Variants in DMPK observed in about 807,000 individuals in gnomAD.
DMPK encodes the protein myotonin-protein kinase.
DMPK carries 32 observed loss-of-function variants against 70.3 expected under a neutral mutation model. The ratio of observed to expected loss-of-function variants is 0.46; its 90% CI spans 0.34 to 0.61. DMPK has a LOEUF of 0.61. Ranked by LOEUF, DMPK falls within the 20% of genes least tolerant of loss-of-function variation. DMPK has a pLI of 0.01. For missense variants in DMPK, 899 were observed against 886.0 expected, an observed-to-expected ratio of 1.01 and a Z score of -0.19; for synonymous variants, 469 against 390.9, an observed-to-expected ratio of 1.20 and a Z score of -2.36.
chr19:45,772,382 C>T, intron 10 of DMPK: 1 of 399,544 alleles, frequency 2.5e-6, no homozygotes. Flanking sequence ...CCTTTCCTTC[C>T]ATGGCTTGTT....
rs111864835 is a variant in DMPK, at chr19:45,780,930, G to A, written c.161-1061C>T. The stretch of plus-strand genomic sequence containing the variant: ...CAAAAGGAGTGCTCCTCCCGGGAGC[G>A]CCAGACCCCTACCCCACCCGGTCTC... On this transcript the variant is annotated intron_variant, in intron 1 of 14. Transcript: ENST00000291270. Among the ~76,000 whole-genome samples the A allele has an allele frequency of 2.5e-3, 376 of 152,134 alleles. 3 individuals are homozygous for A. Among genetic ancestry groups the A allele is most frequent in the African/African-American group, 8.3e-3 (343 of 41,512 alleles).
intron 14 of DMPK, 47 bp from the exon 15 acceptor site, chr19:45,770,687 G>A: frequency 6.5e-7 from 1 of 1,538,220 alleles, no homozygotes; most frequent in African/African-American, 1.4e-5. Context: ...CCTCTGATTG[G>A]CTCCTGGGAC....
chr19:45,770,714 CATAGGTGGG>C, intron 14 of DMPK, 74 bp from the exon 15 acceptor site: 8 of 1,488,502 alleles, frequency 5.4e-6, no homozygotes, highest in Non-Finnish European at 7.2e-6. Flanking sequence ...CGCCTACGCC[CATAGGTGGG>C]CCCGCACTCT....
intron 5 of DMPK, 121 bp from the exon 6 acceptor site, chr19:45,778,341 G>T: frequency 7.4e-7 from 1 of 1,358,786 alleles, no homozygotes; most frequent in Non-Finnish European, 1.0e-6. Context: ...CCCCTGTAGG[G>T]CTTCTACAGT....
At chr19:45,778,421 C>T in intron 5 of DMPK, 72 bp downstream of exon 5, 1 of 1,572,764 alleles carries the variant, frequency 6.4e-7, no homozygotes, top group Non-Finnish European at 8.7e-7. Context: ...GCCCTGGCCT[C>T]TCTGGGCTCT....
At chr19:45,779,593 C>A in intron 2 of DMPK, 71 bp from the exon 3 acceptor site, 1 of 1,594,346 alleles carries the variant, frequency 6.3e-7, no homozygotes, top group South Asian at 1.1e-5. Flanking sequence ...CCCAACTCCA[C>A]CCGCTTCTGC....
chr19:45,771,202 A>C (rs752992288), intron 13 of DMPK, 142 bp from the exon 14 acceptor site: 4 of 1,226,394 alleles, frequency 3.3e-6, no homozygotes, highest in Non-Finnish European at 3.4e-6. Context: ...GAACGGAGGG[A>C]GATCTGGGGC....
At chr19:45,781,052 T>C (rs1970088616) in intron 1 of DMPK, among the ~76,000 whole-genome samples, 1 of 152,062 alleles carries the variant, frequency 6.6e-6, no homozygotes, top group South Asian at 2.1e-4. Flanking sequence ...TTCCAGAGGC[T>C]GAATGGCCTG....
intron 14 of DMPK, 40 bp from the exon 15 acceptor site, chr19:45,770,680 C>CT: frequency 1.3e-6 from 2 of 1,542,802 alleles, no homozygotes; most frequent in Non-Finnish European, 1.8e-6. Flanking sequence ...GCATGGGCCT[C>CT]TGATTGGCTC....
chr19:45,774,761 A>G lies in DMPK; in HGVS notation c.1232+188T>C, dbSNP rs373702492. ...TGTGACTCTGAGGTTTTAAAATTCA[A>G]TCTAACATTTTGAAGTACATAGATC... On this transcript the variant is annotated intron_variant, in intron 9 of 14. Coordinates refer to ENST00000291270, the MANE Select transcript of DMPK (RefSeq NM_004409.5). Among the ~76,000 whole-genome samples the G allele has an allele frequency of 7.7e-4, 118 of 152,302 alleles. 3 individuals carry two copies. Among genetic ancestry groups the G allele is most frequent in the African/African-American group, 2.6e-3 (110 of 41,562 alleles).
At position 45,777,027 on chromosome 19, in the gene DMPK, C is replaced by T. The variant is rs1969810396; in HGVS notation, c.1146+300G>A. 1 of 355,412 alleles carries T rather than the reference C, an allele frequency of 2.8e-6. No homozygotes were observed. The highest frequency in any genetic ancestry group is 5.1e-6 in the Non-Finnish European group (1 of 196,288). 22.0% of individuals were successfully genotyped at this position (355,412 alleles called of 1,614,324 possible). ...CCTCCAAGTCTCAGCTCAGATAGCT[C>T]CCCACTCCAGAAAGCCCTCCAGGAC... On this transcript the variant is annotated intron_variant, in intron 8 of 14. Transcript: ENST00000291270. This position sits in a 1 kb window ranked among gnomAD's most constrained non-coding sequence, Gnocchi z 6.7.
chr19:45,779,597 C>G (rs1002579353), intron 2 of DMPK, 75 bp from the exon 3 acceptor site: 4 of 1,589,966 alleles, frequency 2.5e-6, no homozygotes, highest in Admixed American at 1.7e-5. Flanking sequence ...ACTCCACCCG[C>G]TTCTGCACCC....
intron 9 of DMPK, among the ~76,000 whole-genome samples, chr19:45,773,980 A>G: frequency 7.2e-6 from 1 of 139,542 alleles, no homozygotes. Context: ...TTTTGAGATG[A>G]AGTTTCACTC....
rs760107585 is a variant in DMPK at position 45,771,838 on chromosome 19, C to T, written c.1435G>A (p.Val479Met). 22 of 1,575,078 alleles carry T rather than the reference C, an allele frequency of 1.4e-5. No homozygotes were observed. Among genetic ancestry groups the T allele is most frequent in the Non-Finnish European group, 1.8e-5 (21 of 1,160,590 alleles). ...RELQEALEEE[V>M]LTRQSLSREM... ...CGGCTCAGGCTCTGCCGGGTGAGCA[C>T]CTCCTCCTCCAGGGCTTCCTGGAGC... The change falls in exon 11 of 15, where the codon GTG becomes ATG. Residue 479 changes from valine (V) to methionine (M), a missense_variant. By Grantham distance (21) the Val-to-Met change is conservative (BLOSUM62 1). Around this residue, in one of 3 missense-constraint regions of DMPK, gnomAD observed 555 missense variants for 483.8 expected, o/e 1.15. Coordinates refer to ENST00000291270, the MANE Select transcript of DMPK (RefSeq NM_004409.5).
At position 45,777,823 on chromosome 19, in the gene DMPK, G is replaced by A. The variant is rs1969862830; in HGVS notation, c.726C>T (p.Ile242=). Residue 242 remains isoleucine (I), a synonymous_variant, in exon 7 of 15, where the codon ATC becomes ATT. Transcript: ENST00000291270. The surrounding 1 kb of genome is among the most constrained non-coding windows in gnomAD (Gnocchi z 6.7). The part of the protein sequence containing the change: ...VGTPDYLSPE[I]LQAVGGGPGT... ...CAGGCCCACCGCCCACAGCCTGCAG[G>A]ATCTCGGGGGACAGGTAGTCTGGGG... 1 of 1,612,116 alleles carries A rather than the reference G, an allele frequency of 6.2e-7. No homozygotes were observed. The highest frequency in any genetic ancestry group is 2.2e-5 in the East Asian group (1 of 44,888).
At chr19:45,779,993 C>G in intron 1 of DMPK, 124 bp from the exon 2 acceptor site, 1 of 1,562,148 alleles carries the variant, frequency 6.4e-7, no homozygotes, top group Non-Finnish European at 8.7e-7. Context: ...CTAGGACTGT[C>G]TGCTTCCCAG....
Position 45,774,963 on chromosome 19 carries a change from G to T in DMPK, c.1218C>A (p.Ser406=). 2 of 1,613,922 alleles carry T rather than the reference G, an allele frequency of 1.2e-6. No homozygotes were observed. Among genetic ancestry groups the T allele is most frequent in the Non-Finnish European group, 1.7e-6 (2 of 1,179,940 alleles). The part of the protein sequence containing the change: ...VHLPFVGYSY[S]CMALRDSEVP... The stretch of plus-strand genomic sequence containing the variant: ...GCAGTGCTTACCTGAGGGCCATGCA[G>T]GAGTAGGAGTAGCCCACAAAAGGCA... The change falls in exon 9 of 15, where the codon TCC becomes TCA. Residue 406 remains serine (S), a synonymous_variant. Transcript: ENST00000291270.
rs114931926 is a variant in DMPK, at chr19:45,777,357, G to A, written c.1116C>T (p.Asp372=). The A allele has an allele frequency of 2.4e-4, 376 of 1,599,464 alleles. 2 individuals are homozygous for A. The African/African-American group carries it at 4.1e-3, about 17-fold the overall frequency. ...CCCCGCTCACCATGGCAGTGAGCCCGTCCTCCACCAAGTCGAAGTTGCATG... is the reference window on the plus strand; with the variant it reads ...CCCCGCTCACCATGGCAGTGAGCCCATCCTCCACCAAGTCGAAGTTGCATG... ...TDTCNFDLVE[D]GLTAMVSGGG... Residue 372 remains aspartate, a synonymous_variant, in exon 8 of 15, where the codon GAC becomes GAT. Transcript: ENST00000291270. This position sits in a 1 kb window ranked among gnomAD's most constrained non-coding sequence, Gnocchi z 6.7.
rs1040462326 is a variant in DMPK, at chr19:45,770,438, G to A, written c.*50C>T. On this transcript the variant is annotated 3_prime_UTR_variant, in exon 15 of 15. Coordinates refer to ENST00000291270, the MANE Select transcript of DMPK (RefSeq NM_004409.5). ...GGGCGCGGCTTCTGTGCCGTGCCCC[G>A]GGCACTCAGTCTTCCAACGGGGCCC... The A allele has an allele frequency of 1.2e-5, 19 of 1,545,390 alleles. No homozygotes were observed. The highest frequency in any genetic ancestry group is 1.6e-5 in the Non-Finnish European group (18 of 1,143,980).
Sources: allele counts gnomAD v4.1 joint callset (sites outside exome capture counted in the v4.1 genomes callset), GRCh38; gene constraint gnomAD v4.1.1; regional missense constraint gnomAD v4.1.1; non-coding constraint Gnocchi (gnomAD v3.1); transcripts MANE v1.5; gene names NCBI Gene and HGNC (gene_info 2026-07-23, HGNC 2026-07-21).